The following BCAS3 variants were observed in gnomAD, a reference collection of about 807,000 sequenced individuals.
BCAS3 encodes BCAS4/BCAS3 fusion.
Under a neutral mutation model 116.1 loss-of-function variants are expected in BCAS3, and 53 were observed. That is an observed-to-expected ratio of 0.46 (90% CI 0.37 to 0.57). BCAS3 has a LOEUF of 0.57. Among genes scored for constraint, BCAS3 ranks in the 20% least tolerant of loss-of-function variants. The pLI, the probability that BCAS3 is intolerant of heterozygous loss-of-function variation, is 0.00. For missense variants in BCAS3, 917 were observed against 1,165.4 expected (o/e 0.79, Z 3.10); for synonymous variants, 391 against 408.2 (o/e 0.96, Z 0.51).
Position 61,258,843 on chromosome 17 carries a change from A to G in BCAS3, c.2426-109484A>G, listed in dbSNP as rs576674437. ...TGACTATGCCGTCTTATTCCAGCAT[A>G]TGGATTTGTATTCGTAATTCCCCAA... On this transcript the variant is annotated intron_variant, in intron 22 of 23. Coordinates refer to ENST00000407086, the MANE Select transcript of BCAS3 (RefSeq NM_017679.5). The surrounding 1 kb of genome is among the most constrained non-coding windows in gnomAD (Gnocchi z 4.7). 1.3e-5 allele frequency among the ~76,000 whole-genome samples: 2 copies of G among 152,338 alleles called. No individual in the cohort carries two copies. The highest frequency in any genetic ancestry group is 4.1e-4 in the South Asian group (2 of 4,832).
Position 61,026,615 on chromosome 17 carries a change from A to G in BCAS3, c.1638-8051A>G, listed in dbSNP as rs2066265250. Among the ~76,000 whole-genome samples, 1 of 151,996 alleles carries G rather than the reference A, an allele frequency of 6.6e-6. No homozygotes were observed. Among genetic ancestry groups the G allele is most frequent in the Admixed American group, 6.6e-5 (1 of 15,234 alleles). Reference sequence around the variant, plus strand: ...TTTTATTTTAACTTAGAAATACTACAGGGGTGCTCCAGAAAAGGGGGAGAA... The same window carrying G: ...TTTTATTTTAACTTAGAAATACTACGGGGGTGCTCCAGAAAAGGGGGAGAA... On this transcript the variant is annotated intron_variant, in intron 16 of 23. Transcript: ENST00000407086. This position sits in a 1 kb window ranked among gnomAD's most constrained non-coding sequence, Gnocchi z 5.0.
chr17:60,795,062 G>A (rs575938339), intron 6 of BCAS3, among the ~76,000 whole-genome samples: 13 of 152,174 alleles, frequency 8.5e-5, no homozygotes, highest in African/African-American at 3.1e-4. Flanking sequence ...GTCTCCATTT[G>A]TTTTTGTCAT....
intron 19 of BCAS3, among the ~76,000 whole-genome samples, chr17:61,064,547 AG>A: frequency 6.6e-6 from 1 of 152,306 alleles, no homozygotes; most frequent in East Asian, 1.9e-4. Context: ...AAAGCTCCTT[AG>A]TTTATGTCTT....
rs955367308 is a variant in BCAS3, at chr17:61,200,785, C to A, written c.2425+116221C>A. On this transcript the variant is annotated intron_variant, in intron 22 of 23. Coordinates refer to ENST00000407086, the MANE Select transcript of BCAS3 (RefSeq NM_017679.5). This position sits in a 1 kb window ranked among gnomAD's most constrained non-coding sequence, Gnocchi z 5.1. ...AGTTAACCTGTTTGAGCCTAATAAT[C>A]AAGTATTGTACTGAAATTCCAAATA... is the stretch of plus-strand genomic sequence containing the variant. Among the ~76,000 whole-genome samples, 4 of 152,192 alleles carry A rather than the reference C, an allele frequency of 2.6e-5. No homozygotes were observed. The highest frequency in any genetic ancestry group is 5.9e-5 in the Non-Finnish European group (4 of 68,032).
rs376092637 is a variant in BCAS3, at chr17:60,718,476, C to G, written c.321+9151C>G. On this transcript the variant is annotated intron_variant, in intron 5 of 23. Transcript: ENST00000407086. ...TTTAGACAGAGTCTTGCTCTGTTGC[C>G]CAGGCTGGAGGGCAGTGATGCTATC... Among the ~76,000 whole-genome samples, 258 of 152,138 alleles carry G rather than the reference C, an allele frequency of 1.7e-3. 1 individual carries two copies. The highest frequency in any genetic ancestry group is 6.0e-3 in the African/African-American group (247 of 41,508).
Position 60,683,996 on chromosome 17 carries a change from T to C in BCAS3, c.98T>C (p.Met33Thr). Reference sequence around the variant, plus strand: ...CCCTTTTCCAGAGAGCAGTCCTACATGGAAAGTGTTGTGACTTTTCTGCAG... The same window carrying C: ...CCCTTTTCCAGAGAGCAGTCCTACACGGAAAGTGTTGTGACTTTTCTGCAG... Reference protein sequence around the residue: ...RPQAVTEQSYMESVVTFLQDV... With the variant: ...RPQAVTEQSYTESVVTFLQDV... The change falls in exon 3 of 24, where the codon ATG becomes ACG. Residue 33 changes from methionine (M) to threonine (T), a missense_variant. Met to Thr is a moderately conservative substitution (Grantham distance 81). Coordinates refer to ENST00000407086, the MANE Select transcript of BCAS3 (RefSeq NM_017679.5). The C allele has an allele frequency of 2.5e-6, 4 of 1,613,932 alleles. No individual in the cohort carries two copies. Among genetic ancestry groups the C allele is most frequent in the Non-Finnish European group, 3.4e-6 (4 of 1,179,872 alleles).
Position 61,333,652 on chromosome 17 carries a change from G to T in BCAS3, c.2426-34675G>T, listed in dbSNP as rs1419490331. 9.7e-5 allele frequency among the ~76,000 whole-genome samples: 14 copies of T among 144,802 alleles called. No homozygotes were observed. The highest frequency in any genetic ancestry group is 3.1e-4 in the African/African-American group (12 of 38,244). The allele number at this position is 144,802 out of a possible 152,430, so 95.0% of individuals were successfully genotyped here. A position where few individuals can be genotyped will look rare whatever the true frequency, so the allele number is the denominator to read the frequency against. On this transcript the variant is annotated intron_variant, in intron 22 of 23. Coordinates refer to ENST00000407086, the MANE Select transcript of BCAS3 (RefSeq NM_017679.5). This position sits in a 1 kb window ranked among gnomAD's most constrained non-coding sequence, Gnocchi z 4.8. ...TTTTTTTTTTTTGAGACAGAGTCTC[G>T]CTCTGTCGCCTAGGCTGGAGTGCAG...
In BCAS3 at chr17:60,994,115, G is replaced by A. The variant is rs1037541452; in HGVS notation, c.1486+3880G>A. On this transcript the variant is annotated intron_variant, in intron 15 of 23. Coordinates refer to ENST00000407086, the MANE Select transcript of BCAS3 (RefSeq NM_017679.5). This position sits in a 1 kb window ranked among gnomAD's most constrained non-coding sequence, Gnocchi z 4.4. ...AAAATACATGACAAAAACATTAACA[G>A]TGCTTGTGACACTGTTACCAATAGA... 2.6e-5 allele frequency among the ~76,000 whole-genome samples: 4 copies of A among 151,802 alleles called. No individual in the cohort carries two copies. Among genetic ancestry groups the A allele is most frequent in the Non-Finnish European group, 5.9e-5 (4 of 67,918 alleles).
At chr17:60,989,438 T>A (rs1205749730) in intron 14 of BCAS3, among the ~76,000 whole-genome samples, 1 of 152,108 alleles carries the variant, frequency 6.6e-6, no homozygotes, top group African/African-American at 2.4e-5. Flanking sequence ...TTTCCCTGGC[T>A]CAGGTCTGTG....
chr17:60,805,303 TATC>T (rs2048170593), intron 6 of BCAS3, among the ~76,000 whole-genome samples: 1 of 152,166 alleles, frequency 6.6e-6, no homozygotes, highest in African/African-American at 2.4e-5. Flanking sequence ...CCTTCCTAGA[TATC>T]ATATCAGTTT....
chr17:61,388,644 T>G lies in BCAS3; in HGVS notation c.2594-3333T>G. The G allele has an allele frequency of 6.5e-7, 1 of 1,531,554 alleles. No individual in the cohort carries two copies. The highest frequency in any genetic ancestry group is 2.0e-5 in the Admixed American group (1 of 48,864). The allele number at this position is 1,531,554 out of a possible 1,614,324, so 94.9% of individuals were successfully genotyped here. ...GAAAAAAAAAGGAAAAAAAAAACAA[T>G]GCCAACAGCCCAGCGTCCGTGAGCA... On this transcript the variant is annotated intron_variant, in intron 23 of 23. Transcript: ENST00000407086. This position sits in a 1 kb window ranked among gnomAD's most constrained non-coding sequence, Gnocchi z 6.5.
intron 14 of BCAS3, among the ~76,000 whole-genome samples, chr17:60,954,920 T>C (rs2061042067): frequency 6.6e-6 from 1 of 152,234 alleles, no homozygotes. Flanking sequence ...CATTGGATCA[T>C]GATTTATATT....
rs1200774124 is a variant in BCAS3 at position 61,282,019 on chromosome 17, A to G, written c.2426-86308A>G. Among the ~76,000 whole-genome samples the G allele has an allele frequency of 6.6e-6, 1 of 152,200 alleles. No individual in the cohort carries two copies. The highest frequency in any genetic ancestry group is 1.5e-5 in the Non-Finnish European group (1 of 68,034). On this transcript the variant is annotated intron_variant, in intron 22 of 23. Transcript: ENST00000407086. The surrounding 1 kb of genome is among the most constrained non-coding windows in gnomAD (Gnocchi z 5.9). ...GAGGAAGACTGAATTTGGATTCAGA[A>G]GACCTCATTGACAACTAACTATAAC...
intron 6 of BCAS3, among the ~76,000 whole-genome samples, chr17:60,789,279 T>G (rs2046551001): frequency 6.6e-6 from 1 of 152,208 alleles, no homozygotes; most frequent in Admixed American, 6.5e-5. Flanking sequence ...ATTTTATGTC[T>G]TGAAAAATCC....
intron 13 of BCAS3, among the ~76,000 whole-genome samples, chr17:60,941,803 TA>T (rs913343815): frequency 3.3e-5 from 5 of 152,224 alleles, no homozygotes; most frequent in Non-Finnish European, 5.9e-5. Context: ...CATTCATATG[TA>T]AAACAATAAT....
At chr17:61,055,584 A>T (rs149818901) in intron 19 of BCAS3, among the ~76,000 whole-genome samples, 31 of 152,246 alleles carry the variant, frequency 2.0e-4, no homozygotes, top group African/African-American at 6.7e-4. Context: ...TGCTTTTCTG[A>T]CACATAGGGC....
intron 22 of BCAS3, among the ~76,000 whole-genome samples, chr17:61,230,607 C>A (rs2082621378): frequency 6.6e-6 from 1 of 152,216 alleles, no homozygotes; most frequent in African/African-American, 2.4e-5. Context: ...CCTCCAGTTC[C>A]ATCCACGTTA....
intron 3 of BCAS3, among the ~76,000 whole-genome samples, chr17:60,685,703 A>C (rs2033923565): frequency 6.6e-6 from 1 of 152,144 alleles, no homozygotes; most frequent in African/African-American, 2.4e-5. Flanking sequence ...TTGAGACTGG[A>C]GATCCAGGGT....
chr17:60,914,492 G>A (rs2058677023), intron 12 of BCAS3, among the ~76,000 whole-genome samples: 1 of 152,134 alleles, frequency 6.6e-6, no homozygotes, highest in Non-Finnish European at 1.5e-5. Flanking sequence ...TATATGAAAG[G>A]AAAGGGAATC....
Sources: gnomAD v4.1 joint callset for allele counts (sites outside exome capture counted in the v4.1 genomes callset) on GRCh38, gnomAD v4.1.1 for gene constraint, Gnocchi (gnomAD v3.1) non-coding constraint, MANE v1.5 for transcripts, NCBI Gene and HGNC (gene_info 2026-07-23, HGNC 2026-07-21) for gene names.